FOXP2: variants seen among roughly 807,000 people sequenced by gnomAD.
FOXP2 encodes forkhead box P2.
Under a neutral mutation model 115.8 loss-of-function variants are expected in FOXP2, and 12 were observed. The ratio of observed to expected loss-of-function variants is 0.10; its 90% CI spans 0.07 to 0.17. FOXP2 has a LOEUF of 0.17. Ranked by LOEUF, FOXP2 falls within the 10% of genes least tolerant of loss-of-function variation. The probability of loss-of-function intolerance (pLI) is 1.00; values close to 1 mark genes in which losing one functional copy is unlikely to be tolerated. For synonymous variants in FOXP2, 328 were observed against 297.7 expected (o/e 1.10, Z -1.05); for missense variants, 629 against 843.5 (o/e 0.75, Z 3.15).
intron 1 of FOXP2, among the ~76,000 whole-genome samples, chr7:114,275,271 C>T (rs1438848691): frequency 6.6e-6 from 1 of 152,044 alleles, no homozygotes; most frequent in Admixed American, 6.6e-5. Context: ...TCTCTATTCT[C>T]CTCTTGTATT....
chr7:114,524,335 G>T (rs1169738381), intron 2 of FOXP2, among the ~76,000 whole-genome samples: 1 of 152,050 alleles, frequency 6.6e-6, no homozygotes, highest in Non-Finnish European at 1.5e-5. Flanking sequence ...AATTTGCTTG[G>T]AATTATTTAT....
At chr7:114,527,546 C>T (rs1798938307) in intron 2 of FOXP2, among the ~76,000 whole-genome samples, 3 of 152,042 alleles carry the variant, frequency 2.0e-5, no homozygotes, top group South Asian at 2.1e-4. Flanking sequence ...AACTATTCAC[C>T]TATGTCTTAC....
intron 2 of FOXP2, among the ~76,000 whole-genome samples, chr7:114,454,421 G>A (rs1028967474): frequency 4.6e-5 from 7 of 151,994 alleles, no homozygotes; most frequent in Non-Finnish European, 7.4e-5. Flanking sequence ...ACTGTTGATG[G>A]GTCTGTAAAC....
chr7:114,629,747 G>A (rs1804785839), intron 4 of FOXP2, 58 bp from the exon 5 acceptor site: 2 of 1,611,862 alleles, frequency 1.2e-6, no homozygotes, highest in Non-Finnish European at 8.5e-7. Flanking sequence ...GAGTTTAGGA[G>A]ATTTATAATA....
intron 8 of FOXP2, among the ~76,000 whole-genome samples, chr7:114,651,133 G>T (rs972777695): frequency 3.3e-5 from 5 of 151,702 alleles, no homozygotes; most frequent in Non-Finnish European, 7.4e-5. Context: ...GTATACCCAG[G>T]GCTATTATAA....
intron 2 of FOXP2, among the ~76,000 whole-genome samples, chr7:114,329,652 ATTTATTTATTTATTTATT>A (rs981930605): frequency 6.1e-4 from 16 of 26,024 alleles, no homozygotes; most frequent in South Asian, 2.4e-3. Flanking sequence ...AGTTTTATTT[ATTTATTTATTTATTTATT>A]TATTTATTTA....
chr7:114,546,232 C>T (rs79639717), intron 3 of FOXP2, among the ~76,000 whole-genome samples: 1 of 152,144 alleles, frequency 6.6e-6, no homozygotes, highest in African/African-American at 2.4e-5. Flanking sequence ...ATGTTTTCAT[C>T]AGCTTTTCCT....
chr7:114,553,543 C>G (rs1584887844), intron 3 of FOXP2, among the ~76,000 whole-genome samples: 1 of 152,050 alleles, frequency 6.6e-6, no homozygotes, highest in South Asian at 2.1e-4. Context: ...CTTTAGAAAT[C>G]TATAACTTCA....
intron 1 of FOXP2, among the ~76,000 whole-genome samples, chr7:114,417,145 G>A (rs549698496): frequency 4.6e-5 from 7 of 151,994 alleles, no homozygotes; most frequent in African/African-American, 1.7e-4. Context: ...ATACTCCTAT[G>A]CATAATGAGG....
chr7:114,342,228 T>G (rs1487317999), intron 2 of FOXP2, among the ~76,000 whole-genome samples: 1 of 151,358 alleles, frequency 6.6e-6, no homozygotes, highest in Non-Finnish European at 1.5e-5. Context: ...TCAATAAACT[T>G]TCAGTGGTTT....
intron 3 of FOXP2, among the ~76,000 whole-genome samples, chr7:114,625,516 T>G (rs1804512131): frequency 6.6e-6 from 1 of 151,874 alleles, no homozygotes. Flanking sequence ...TATTGGTAAG[T>G]AGTATAATCT....
chr7:114,639,279 A>C (rs1200594568), intron 6 of FOXP2, among the ~76,000 whole-genome samples: 1 of 152,178 alleles, frequency 6.6e-6, no homozygotes, highest in East Asian at 1.9e-4. Flanking sequence ...GCCCTTTAAG[A>C]GTCACAAAAC....
chr7:114,280,384 G>T (rs902249424), intron 1 of FOXP2, among the ~76,000 whole-genome samples: 4 of 151,938 alleles, frequency 2.6e-5, no homozygotes, highest in African/African-American at 9.7e-5. Flanking sequence ...AGAGCACTGT[G>T]ATTTTTTTCT....
chr7:114,547,633 C>T (rs1362913337), intron 3 of FOXP2, among the ~76,000 whole-genome samples: 1 of 152,144 alleles, frequency 6.6e-6, no homozygotes, highest in Non-Finnish European at 1.5e-5. Context: ...GTGGCACGTG[C>T]CTGTAATCCC....
At chr7:114,628,795 C>T (rs1804734242) in intron 4 of FOXP2, 118 bp downstream of exon 4, 7 of 1,189,794 alleles carry the variant, frequency 5.9e-6, no homozygotes, top group Middle Eastern at 2.3e-4. Flanking sequence ...AACCTATTAG[C>T]GTGCTAGAAC....
Position 114,691,081 on chromosome 7 carries a change from C to T in FOXP2, c.*1155C>T. ...ATGCTAGAAAGCAACAAATGTGGAT[C>T]ACTGACCAAAACGATTATGTACTTG... On this transcript the variant is annotated 3_prime_UTR_variant, in exon 17 of 17. Transcript: ENST00000350908. The T allele has an allele frequency of 6.6e-6, 3 of 454,092 alleles. No homozygotes were observed. The highest frequency in any genetic ancestry group is 1.3e-5 in the Non-Finnish European group (3 of 226,766). The allele number at this position is 454,092 out of a possible 1,614,324, so 28.1% of individuals were successfully genotyped here.
chr7:114,331,673 T>C (rs75162274), intron 2 of FOXP2, among the ~76,000 whole-genome samples: 1 of 150,844 alleles, frequency 6.6e-6, no homozygotes, highest in South Asian at 2.1e-4. Context: ...TTTTTTTTTT[T>C]CTTTTGTTTT....
intron 2 of FOXP2, among the ~76,000 whole-genome samples, chr7:114,328,337 C>T (rs530270683): frequency 3.3e-5 from 5 of 150,570 alleles, no homozygotes; most frequent in Admixed American, 6.6e-5. Flanking sequence ...CCTGGATTCA[C>T]GCCATTCTCC....
intron 8 of FOXP2, among the ~76,000 whole-genome samples, chr7:114,651,597 C>T (rs1806258044): frequency 6.6e-6 from 1 of 152,018 alleles, no homozygotes; most frequent in African/African-American, 2.4e-5. Flanking sequence ...AAGATTAGGA[C>T]AAATGTCTCC....
Sources: allele counts gnomAD v4.1 joint callset (sites outside exome capture counted in the v4.1 genomes callset), GRCh38; gene constraint gnomAD v4.1.1; transcripts MANE v1.5; gene names NCBI Gene and HGNC (gene_info 2026-07-23, HGNC 2026-07-21).